The following TIGD7 variants were observed in gnomAD, a reference collection of about 807,000 sequenced individuals.
The protein encoded by TIGD7 is tigger transposable element derived 7, also known as tigger transposable element-derived protein 7.
TIGD7 carries 26 observed loss-of-function variants against 24.8 expected under a neutral mutation model. The ratio of observed to expected loss-of-function variants is 1.05; its 90% CI spans 0.77 to 1.45. The LOEUF is 1.45. Among genes scored for constraint, TIGD7 ranks in the 40% most tolerant of loss-of-function variants. The pLI is 0.00. For synonymous variants in TIGD7, 221 were observed against 224.1 expected, an observed-to-expected ratio of 0.99 and a Z score of 0.12; for missense variants, 679 against 641.6, an observed-to-expected ratio of 1.06 and a Z score of -0.63.
chr16:3,299,275 T>A lies in TIGD7; in HGVS notation c.1340A>T (p.Lys447Met), dbSNP rs761332268. The A allele has an allele frequency of 6.2e-7, 1 of 1,611,104 alleles. No homozygotes were observed. The highest frequency in any genetic ancestry group is 8.5e-7 in the Non-Finnish European group (1 of 1,179,076). ...ACCTTTGGTTTTTAGGAGACAACCC[T>A]TTTCTTCATCTCCATTTAACCACAC... is the stretch of plus-strand genomic sequence containing the variant. Reference protein sequence around the residue: ...DRVWLNGDEEKGCLLKTKGGI... With the variant: ...DRVWLNGDEEMGCLLKTKGGI... The change falls in exon 2 of 2, where the codon AAG becomes ATG. Residue 447 changes from lysine (K) to methionine (M), a missense_variant. Transcript: ENST00000396862.
At chr16:3,304,544 T>C (rs1378303209) in intron 1 of TIGD7, among the ~76,000 whole-genome samples, 1 of 152,262 alleles carries the variant, frequency 6.6e-6, no homozygotes, top group Non-Finnish European at 1.5e-5. Context: ...CAATATTGGC[T>C]ACACATAGCT....
chr16:3,303,640 T>A (rs1282259619), intron 1 of TIGD7: 1 of 152,164 alleles, frequency 6.6e-6, no homozygotes, highest in Non-Finnish European at 1.5e-5. Context: ...TCTTTCTCTC[T>A]CACTTAAAAA....
chr16:3,299,025 A>C lies in TIGD7; in HGVS notation c.1590T>G (p.Pro530=), dbSNP rs563938015. ...AGGAGTCCTTAATATTATGAGGCCT[A>C]GGTTTCAAAAAGCTACCAATTCTAG... ...IHSRIGSFLK[P]RPHNIKDSFS... Residue 530 remains proline (P), a synonymous_variant, in exon 2 of 2, where the codon CCT becomes CCG. Coordinates refer to ENST00000396862, the MANE Select transcript of TIGD7 (RefSeq NM_033208.4). The C allele has an allele frequency of 1.5e-6, 2 of 1,378,476 alleles. No individual in the cohort carries two copies. Among genetic ancestry groups the C allele is most frequent in the East Asian group, 5.4e-5 (2 of 37,128 alleles). The allele number at this position is 1,378,476 out of a possible 1,614,324, so 85.4% of individuals were successfully genotyped here.
chr16:3,299,839 C>A lies in TIGD7; in HGVS notation c.776G>T (p.Arg259Ile). 6.3e-7 allele frequency: 1 copy of A among 1,592,140 alleles called. No homozygotes were observed. The change falls in exon 2 of 2, where the codon AGA becomes ATA. Residue 259 changes from arginine to isoleucine, a missense_variant. Physicochemically the swap from Arg to Ile is moderately conservative, Grantham distance 97. Transcript: ENST00000396862. ...AAAAAACCATTCTGAAAACAATTCT[C>A]TGGTGAACCAAACATCTTTACTGGG... ...YKPSKDVWFT[R>I]ELFSEWFFQN...
At chr16:3,303,000 G>A (rs143844370) in intron 1 of TIGD7, among the ~76,000 whole-genome samples, 2,416 of 152,046 alleles carry the variant, frequency 0.016, 29 homozygotes, top group Non-Finnish European at 0.026. Flanking sequence ...ACCATGCCCC[G>A]CTAATTTTTA....
chr16:3,299,318 T>G lies in TIGD7; in HGVS notation c.1297A>C (p.Lys433Gln), dbSNP rs781303130. The part of the protein sequence containing the change: ...ILEKCGELET[K>Q]LDDDRVWLNG... ...AACCACACCCTATCATCATCCAACT[T>G]AGTTTCCAACTCCCCACATTTTTCA... is the stretch of plus-strand genomic sequence containing the variant. The change falls in exon 2 of 2, where the codon AAG becomes CAG. Residue 433 changes from lysine (K) to glutamine (Q), a missense_variant. Coordinates refer to ENST00000396862, the MANE Select transcript of TIGD7 (RefSeq NM_033208.4). 4.4e-6 allele frequency: 7 copies of G among 1,602,808 alleles called. No homozygotes were observed. Among genetic ancestry groups the G allele is most frequent in the Non-Finnish European group, 6.0e-6 (7 of 1,175,752 alleles).
intron 1 of TIGD7, chr16:3,304,842 G>C (rs1960077400): frequency 6.6e-6 from 1 of 152,200 alleles, no homozygotes; most frequent in Non-Finnish European, 1.5e-5. Flanking sequence ...TACTGGAGTG[G>C]AAAACGCAGA....
intron 1 of TIGD7, among the ~76,000 whole-genome samples, 180 bp from the exon 2 acceptor site, chr16:3,302,189 G>A (rs775486352): frequency 2.6e-5 from 4 of 151,508 alleles, no homozygotes; most frequent in East Asian, 1.9e-4. Flanking sequence ...GTGCGATGCC[G>A]CCATCTCGGC....
chr16:3,299,446 A>G lies in TIGD7; in HGVS notation c.1169T>C (p.Val390Ala), dbSNP rs746035013. The G allele has an allele frequency of 1.3e-6, 2 of 1,558,182 alleles. No individual in the cohort carries two copies. Among genetic ancestry groups the G allele is most frequent in the Non-Finnish European group, 1.7e-6 (2 of 1,154,826 alleles). ...IFNWAKSWEE[V>A]KQITIANAWE... ...TGCATTTGCTATGGTTATTTGTTTT[A>G]CTTCTTCCCAACTTTTTGCCCAGTT... Residue 390 changes from valine to alanine, a missense_variant, in exon 2 of 2, where the codon GTA becomes GCA. Physicochemically the swap from Val to Ala is moderately conservative, Grantham distance 64. Transcript: ENST00000396862.
At position 3,300,502 on chromosome 16, in the gene TIGD7, C is replaced by T. The variant is rs1327797989; in HGVS notation, c.113G>A (p.Ser38Asn). The T allele has an allele frequency of 1.2e-6, 2 of 1,614,076 alleles. No individual in the cohort carries two copies. The highest frequency in any genetic ancestry group is 1.7e-6 in the Non-Finnish European group (2 of 1,180,024). ...LKSVMDEFGI[S>N]KSTFYDIKKN... The stretch of plus-strand genomic sequence containing the variant: ...TTTAATGTCATAAAATGTTGACTTA[C>T]TGATTCCAAATTCATCCATTACACT... The change falls in exon 2 of 2, where the codon AGT becomes AAT. Residue 38 changes from serine (S) to asparagine (N), a missense_variant. Coordinates refer to ENST00000396862, the MANE Select transcript of TIGD7 (RefSeq NM_033208.4).
chr16:3,300,083 C>A lies in TIGD7; in HGVS notation c.532G>T (p.Asp178Tyr). 6.2e-7 allele frequency: 1 copy of A among 1,614,170 alleles called. No homozygotes were observed. The highest frequency in any genetic ancestry group is 1.3e-5 in the African/African-American group (1 of 75,044). Residue 178 changes from aspartate to tyrosine, a missense_variant, in exon 2 of 2, where the codon GAT becomes TAT. Transcript: ENST00000396862. ...KLCLAQLYSG[D>Y]ETDLFWKSMP... ...GACTTCCAAAAGAGGTCTGTTTCAT[C>A]CCCACTGTATAGCTGAGCTAGACAC...
Position 3,300,747 on chromosome 16 carries a change from G to A in TIGD7, c.-133C>T, listed in dbSNP as rs187386228. The stretch of plus-strand genomic sequence containing the variant: ...CAGAAGGCATGGGCATTGTATTGGA[G>A]GATAATGGACTGAAGGGGCTAACCA... On this transcript the variant is annotated 5_prime_UTR_variant, in exon 2 of 2. Coordinates refer to ENST00000396862, the MANE Select transcript of TIGD7 (RefSeq NM_033208.4). The A allele has an allele frequency of 8.1e-5, 115 of 1,420,624 alleles. No homozygotes were observed. Among genetic ancestry groups the A allele is most frequent in the Admixed American group, 6.7e-4 (23 of 34,330 alleles). The allele number at this position is 1,420,624 out of a possible 1,614,324, so 88.0% of individuals were successfully genotyped here. A position where few individuals can be genotyped will look rare whatever the true frequency, so the allele number is the denominator to read the frequency against.
rs1258986899 is a variant in TIGD7, at chr16:3,299,267, G to T, written c.1348C>A (p.Leu450Ile). 4.3e-6 allele frequency: 7 copies of T among 1,610,720 alleles called. No individual in the cohort carries two copies. The highest frequency in any genetic ancestry group is 5.9e-6 in the Non-Finnish European group (7 of 1,179,040). Reference sequence around the variant, plus strand: ...GTTATTCCACCTTTGGTTTTTAGGAGACAACCCTTTTCTTCATCTCCATTT... The same window carrying T: ...GTTATTCCACCTTTGGTTTTTAGGATACAACCCTTTTCTTCATCTCCATTT... Reference protein sequence around the residue: ...WLNGDEEKGCLLKTKGGITKE... With the variant: ...WLNGDEEKGCILKTKGGITKE... Residue 450 changes from leucine to isoleucine, a missense_variant, in exon 2 of 2, where the codon CTC becomes ATC. By Grantham distance (5) the Leu-to-Ile change is conservative (BLOSUM62 2). Transcript: ENST00000396862.
intron 1 of TIGD7, among the ~76,000 whole-genome samples, chr16:3,303,516 A>G (rs1959999752): frequency 6.6e-6 from 1 of 152,212 alleles, no homozygotes; most frequent in South Asian, 2.1e-4. Context: ...ATAGACTGAG[A>G]ATATTTACTG....
Position 3,299,957 on chromosome 16 carries a change from C to A in TIGD7, c.658G>T (p.Gly220Ter). ...ATGATTGACTTTAATTTATGAGTTCCGTCTGCATTTGCACATAAAAAGGCA... is the reference window on the plus strand; with the variant it reads ...ATGATTGACTTTAATTTATGAGTTCAGTCTGCATTTGCACATAAAAAGGCA... ...LSAFLCANAD[G>*]THKLKSIIIG... The change falls in exon 2 of 2, where the codon GGA becomes TGA. Residue 220 changes from glycine to a stop codon, truncating the protein, a stop_gained. Coordinates refer to ENST00000396862, the MANE Select transcript of TIGD7 (RefSeq NM_033208.4). LOFTEE classifies it high-confidence loss of function. 1 of 1,613,656 alleles carries A rather than the reference C, an allele frequency of 6.2e-7. No homozygotes were observed. The highest frequency in any genetic ancestry group is 8.5e-7 in the Non-Finnish European group (1 of 1,179,906).
intron 1 of TIGD7, among the ~76,000 whole-genome samples, chr16:3,304,503 C>A (rs1482555884): frequency 6.6e-6 from 1 of 152,222 alleles, no homozygotes; most frequent in Non-Finnish European, 1.5e-5. Flanking sequence ...CAAGAGATTG[C>A]TTAAGGACAA....
rs372557510 is a variant in TIGD7 at position 3,300,072 on chromosome 16, G to A, written c.543C>T (p.Asp181=). The change falls in exon 2 of 2, where the codon GAC becomes GAT. Residue 181 remains aspartate (D), a synonymous_variant. Coordinates refer to ENST00000396862, the MANE Select transcript of TIGD7 (RefSeq NM_033208.4). The stretch of plus-strand genomic sequence containing the variant: ...TTTCTGGCATTGACTTCCAAAAGAG[G>A]TCTGTTTCATCCCCACTGTATAGCT... ...LAQLYSGDET[D]LFWKSMPENS... is the part of the protein sequence containing the mutation. The A allele has an allele frequency of 1.9e-6, 3 of 1,614,128 alleles. No homozygotes were observed. Among genetic ancestry groups the A allele is most frequent in the Non-Finnish European group, 2.5e-6 (3 of 1,180,036 alleles).
At chr16:3,302,287 C>T (rs1249395218) in intron 1 of TIGD7, among the ~76,000 whole-genome samples, 4 of 152,052 alleles carry the variant, frequency 2.6e-5, no homozygotes, top group Admixed American at 6.6e-5. Flanking sequence ...GCCACCACAC[C>T]CGGCTAATTT....
chr16:3,300,553 C>A lies in TIGD7; in HGVS notation c.62G>T (p.Arg21Ile). The A allele has an allele frequency of 6.2e-7, 1 of 1,609,572 alleles. No individual in the cohort carries two copies. The highest frequency in any genetic ancestry group is 8.5e-7 in the Non-Finnish European group (1 of 1,178,434). ...TTTAAGTGATCGTCCAGCTTCAATTCTACTTAGAACCTTCATTTTCTCCTC... is the reference window on the plus strand; with the variant it reads ...TTTAAGTGATCGTCCAGCTTCAATTATACTTAGAACCTTCATTTTCTCCTC... ...NLEEKMKVLS[R>I]IEAGRSLKSV... The change falls in exon 2 of 2, where the codon AGA becomes ATA. Residue 21 changes from arginine to isoleucine, a missense_variant. By Grantham distance (97) the Arg-to-Ile change is moderately conservative. Coordinates refer to ENST00000396862, the MANE Select transcript of TIGD7 (RefSeq NM_033208.4).
Sources: gnomAD v4.1 joint callset for allele counts (sites outside exome capture counted in the v4.1 genomes callset) on GRCh38, gnomAD v4.1.1 for gene constraint, MANE v1.5 for transcripts, NCBI Gene and HGNC (gene_info 2026-07-23, HGNC 2026-07-21) for gene names.